LRGUK: variants seen among roughly 807,000 people sequenced by gnomAD.
LRGUK encodes leucine rich repeats and guanylate kinase domain containing, also known as leucine-rich repeat and guanylate kinase domain-containing protein.
A neutral mutation model predicts 76.0 loss-of-function variants in LRGUK; 65 were observed. The ratio of observed to expected loss-of-function variants is 0.85; its 90% CI spans 0.70 to 1.05. The LOEUF (loss-of-function observed/expected upper bound fraction) is 1.05, where lower values mean the gene tolerates loss of function less well. Ranked by LOEUF, LRGUK falls within the 50% of genes least tolerant of loss-of-function variation. The pLI, the probability that LRGUK is intolerant of heterozygous loss-of-function variation, is 0.00. For missense variants in LRGUK, 758 were observed against 732.8 expected (o/e 1.03, Z -0.40); for synonymous variants, 268 against 265.6 (o/e 1.01, Z -0.09).
chr7:134,152,483 A>G (rs1798263209), intron 5 of LRGUK, among the ~76,000 whole-genome samples: 1 of 152,060 alleles, frequency 6.6e-6, no homozygotes, highest in Non-Finnish European at 1.5e-5. Flanking sequence ...AAACATACGA[A>G]GAGATACCAG....
At chr7:134,238,314 C>A (rs1802060388) in intron 16 of LRGUK, among the ~76,000 whole-genome samples, 1 of 152,008 alleles carries the variant, frequency 6.6e-6, no homozygotes, top group Admixed American at 6.6e-5. Context: ...TAGTTTTTAT[C>A]ATTACCCTGT....
the LRGUK span, among the ~76,000 whole-genome samples, chr7:134,271,793 T>C: frequency 6.6e-6 from 1 of 152,086 alleles, no homozygotes; most frequent in South Asian, 2.1e-4. Flanking sequence ...GATTTATTCC[T>C]AGATGCATTT....
chr7:134,263,908 C>T, exon 20 of LRGUK: 1 of 1,612,638 alleles, frequency 6.2e-7, no homozygotes, highest in Non-Finnish European at 8.5e-7. Context: ...CACTCGGTCC[C>T]AGTCATCAGT....
chr7:134,274,411 T>A, the LRGUK span, among the ~76,000 whole-genome samples: 1 of 152,186 alleles, frequency 6.6e-6, no homozygotes, highest in African/African-American at 2.4e-5. Flanking sequence ...CTTAAGATAA[T>A]GTGGTCAATT....
intron 5 of LRGUK, among the ~76,000 whole-genome samples, chr7:134,150,525 A>G (rs1318312919): frequency 6.6e-6 from 1 of 151,978 alleles, no homozygotes; most frequent in African/African-American, 2.4e-5. Context: ...TTTGTCTAGA[A>G]GTCAGCAGCC....
chr7:134,136,376 A>G (rs758332367), intron 1 of LRGUK, among the ~76,000 whole-genome samples: 1 of 152,242 alleles, frequency 6.6e-6, no homozygotes, highest in Non-Finnish European at 1.5e-5. Context: ...ACTAATAGGA[A>G]GTGAACTGAA....
intron 16 of LRGUK, among the ~76,000 whole-genome samples, chr7:134,231,703 C>T (rs1356820819): frequency 1.4e-5 from 2 of 138,508 alleles, no homozygotes; most frequent in Non-Finnish European, 3.1e-5. Flanking sequence ...TTCCTCCCTT[C>T]CTTCCTCCCG....
chr7:134,271,409 C>G, the LRGUK span, among the ~76,000 whole-genome samples: 2 of 151,622 alleles, frequency 1.3e-5, no homozygotes, highest in Non-Finnish European at 3.0e-5. Context: ...AGATATTTTT[C>G]TAAATTTTTG....
At chr7:134,226,574 T>A (rs1484199560) in intron 16 of LRGUK, among the ~76,000 whole-genome samples, 1 of 152,188 alleles carries the variant, frequency 6.6e-6, no homozygotes, top group Non-Finnish European at 1.5e-5. Flanking sequence ...TCATCTATGT[T>A]CATTTCTATT....
rs145279648 is a variant in LRGUK at position 134,127,588 on chromosome 7, C to T, written c.221C>T (p.Ser74Leu). The change falls in exon 1 of 16, where the codon TCG becomes TTG. Residue 74 changes from serine to leucine, a missense_variant. Coordinates refer to ENST00000645682, the Ensembl canonical transcript of LRGUK. The stretch of plus-strand genomic sequence containing the variant: ...ATGCACCGCTATCAGGAGCTGGACT[C>T]GGACGGAGATGAGGACCAGGGCGAG... 137 of 1,614,192 alleles carry T rather than the reference C, an allele frequency of 8.5e-5. 1 individual carries two copies. In the African/African-American group the frequency reaches 1.6e-3, roughly 19 times the overall value.
At chr7:134,211,010 G>A (rs2117127624), downstream of LRGUK, among the ~76,000 whole-genome samples, 1 of 152,356 alleles carries the variant, frequency 6.6e-6, no homozygotes, top group South Asian at 2.1e-4. Flanking sequence ...TGGGAACCCC[G>A]AGGCAGCACT....
At chr7:134,201,206 C>T (rs1800752043) in intron 14 of LRGUK, among the ~76,000 whole-genome samples, 2 of 152,138 alleles carry the variant, frequency 1.3e-5, no homozygotes, top group African/African-American at 2.4e-5. Context: ...AAAGTCAACC[C>T]GTTAATAACC....
At chr7:134,213,295 A>G (rs1426094852), downstream of LRGUK, among the ~76,000 whole-genome samples, 6 of 152,166 alleles carry the variant, frequency 3.9e-5, no homozygotes, top group East Asian at 7.7e-4. Flanking sequence ...GGAGAGCAAT[A>G]CAGGAAGCAG....
chr7:134,128,331 C>T (rs906965488), intron 1 of LRGUK, among the ~76,000 whole-genome samples: 1 of 152,174 alleles, frequency 6.6e-6, no homozygotes, highest in African/African-American at 2.4e-5. Flanking sequence ...ACTGGGATGG[C>T]GGCTTCGCGT....
chr7:134,142,416 A>G (rs917343215), intron 3 of LRGUK, among the ~76,000 whole-genome samples: 1 of 152,220 alleles, frequency 6.6e-6, no homozygotes, highest in African/African-American at 2.4e-5. Flanking sequence ...ACTATCCTTT[A>G]TTAGCACAGT....
At chr7:134,214,180 A>T (rs1292435376), downstream of LRGUK, among the ~76,000 whole-genome samples, 1 of 152,244 alleles carries the variant, frequency 6.6e-6, no homozygotes, top group African/African-American at 2.4e-5. Flanking sequence ...AGATATGTCA[A>T]AAAGTATTTA....
intron 15 of LRGUK, among the ~76,000 whole-genome samples, chr7:134,207,535 TC>T (rs1422885013): frequency 6.6e-6 from 1 of 152,158 alleles, no homozygotes; most frequent in African/African-American, 2.4e-5. Flanking sequence ...TTCCCACCTG[TC>T]CCGCCCTCTC....
At chr7:134,200,156 C>T (rs1044144697) in intron 14 of LRGUK, among the ~76,000 whole-genome samples, 1 of 150,652 alleles carries the variant, frequency 6.6e-6, no homozygotes, top group African/African-American at 2.4e-5. Flanking sequence ...TCTGCCTCAA[C>T]TTCCTGTATA....
intron 6 of LRGUK, among the ~76,000 whole-genome samples, 191 bp downstream of exon 6, chr7:134,158,350 G>A (rs566071191): frequency 3.2e-4 from 48 of 152,170 alleles, no homozygotes; most frequent in African/African-American, 1.1e-3. Context: ...GAGAGAGAAA[G>A]AAAGCAATAT....
Sources: gnomAD v4.1 joint callset for allele counts (sites outside exome capture counted in the v4.1 genomes callset) on GRCh38, gnomAD v4.1.1 for gene constraint, MANE v1.5 for transcripts, NCBI Gene and HGNC (gene_info 2026-07-23, HGNC 2026-07-21) for gene names.